The following SGCZ variants were observed in gnomAD, a reference collection of about 807,000 sequenced individuals.
The protein encoded by SGCZ is zeta-sarcoglycan.
SGCZ carries 40 observed loss-of-function variants against 41.3 expected under a neutral mutation model. The ratio of observed to expected loss-of-function variants is 0.97; its 90% CI spans 0.75 to 1.26. The LOEUF is 1.26. SGCZ is among the 50% of genes most tolerant of loss of function. SGCZ has a pLI of 0.00. For synonymous variants in SGCZ, 206 were observed against 137.5 expected, an observed-to-expected ratio of 1.50 and a Z score of -3.49; for missense variants, 552 against 369.8, an observed-to-expected ratio of 1.49 and a Z score of -4.04.
chr8:14,478,620 G>T (rs1271070170), intron 2 of SGCZ, among the ~76,000 whole-genome samples: 3 of 152,072 alleles, frequency 2.0e-5, no homozygotes, highest in African/African-American at 7.2e-5. Flanking sequence ...ATTGTGTTCA[G>T]ATTTTTTAAA....
intron 7 of SGCZ, among the ~76,000 whole-genome samples, chr8:14,098,362 C>T (rs1801908671): frequency 6.6e-6 from 1 of 152,106 alleles, no homozygotes; most frequent in South Asian, 2.1e-4. Context: ...CAAACAACAA[C>T]AAAAACCCAA....
chr8:14,530,223 A>T (rs11786628), intron 2 of SGCZ, among the ~76,000 whole-genome samples: 29,073 of 151,454 alleles, frequency 0.19, 3,329 homozygotes, highest in Non-Finnish European at 0.25. Flanking sequence ...AATTTTTTTT[A>T]AAAAAAATAT....
At chr8:14,463,692 T>C (rs1800967870) in intron 2 of SGCZ, among the ~76,000 whole-genome samples, 1 of 151,726 alleles carries the variant, frequency 6.6e-6, no homozygotes, top group African/African-American at 2.4e-5. Flanking sequence ...CACTATCAGG[T>C]CTTGTTCTTG....
intron 2 of SGCZ, among the ~76,000 whole-genome samples, chr8:14,435,954 C>CA (rs1800078193): frequency 6.6e-6 from 1 of 152,094 alleles, no homozygotes; most frequent in Non-Finnish European, 1.5e-5. Context: ...AGGAAAATTG[C>CA]CAAAAGTGTT....
At chr8:14,960,321 A>G (rs1412074238) in intron 1 of SGCZ, among the ~76,000 whole-genome samples, 1 of 152,082 alleles carries the variant, frequency 6.6e-6, no homozygotes, top group Non-Finnish European at 1.5e-5. Flanking sequence ...TGATAGCCAC[A>G]GGTTGAGACA....
chr8:14,293,090 G>A (rs1254292481), intron 3 of SGCZ, among the ~76,000 whole-genome samples: 1 of 151,968 alleles, frequency 6.6e-6, no homozygotes, highest in African/African-American at 2.4e-5. Context: ...TTTCAAAAGT[G>A]ATCTAAAAAG....
At chr8:14,861,460 T>C (rs1248841652) in intron 1 of SGCZ, among the ~76,000 whole-genome samples, 1 of 152,116 alleles carries the variant, frequency 6.6e-6, no homozygotes, top group Non-Finnish European at 1.5e-5. Flanking sequence ...AAAATATACA[T>C]TGTATATTTC....
intron 3 of SGCZ, among the ~76,000 whole-genome samples, chr8:14,298,144 A>T (rs546444266): frequency 4.3e-4 from 65 of 151,992 alleles, no homozygotes; most frequent in Non-Finnish European, 5.3e-4. Context: ...AGATAATTTG[A>T]CAAAATTTAA....
chr8:14,351,104 C>T (rs1213553407), intron 2 of SGCZ, among the ~76,000 whole-genome samples: 3 of 152,038 alleles, frequency 2.0e-5, no homozygotes. Flanking sequence ...TTTCCTCTTC[C>T]TAATTTTCAT....
At chr8:14,557,717 TA>T in intron 1 of SGCZ, among the ~76,000 whole-genome samples, 1 of 151,756 alleles carries the variant, frequency 6.6e-6, no homozygotes, top group Non-Finnish European at 1.5e-5. Flanking sequence ...TTTGCTTTGT[TA>T]AACACAAATA....
chr8:14,846,196 T>C (rs927945686), intron 1 of SGCZ, among the ~76,000 whole-genome samples: 5 of 152,156 alleles, frequency 3.3e-5, no homozygotes, highest in African/African-American at 1.2e-4. Flanking sequence ...TAATTTATGT[T>C]TATGGAATGC....
chr8:14,401,409 G>T (rs1011758892), intron 2 of SGCZ, among the ~76,000 whole-genome samples: 1 of 147,798 alleles, frequency 6.8e-6, no homozygotes, highest in Non-Finnish European at 1.5e-5. Flanking sequence ...CTAGCATTAG[G>T]TATATCTCCT....
At chr8:14,650,381 C>A (rs1296725957) in intron 1 of SGCZ, among the ~76,000 whole-genome samples, 1 of 152,000 alleles carries the variant, frequency 6.6e-6, no homozygotes, top group African/African-American at 2.4e-5. Context: ...TTCAGGGTTA[C>A]ATGTGCAGGT....
At chr8:14,185,825 G>C (rs932846353) in intron 4 of SGCZ, among the ~76,000 whole-genome samples, 2 of 152,136 alleles carry the variant, frequency 1.3e-5, no homozygotes, top group Non-Finnish European at 2.9e-5. Flanking sequence ...AAATGAAATT[G>C]AGCAGACCCC....
At chr8:14,623,261 G>C (rs1329856264) in intron 1 of SGCZ, among the ~76,000 whole-genome samples, 1 of 152,138 alleles carries the variant, frequency 6.6e-6, no homozygotes, top group African/African-American at 2.4e-5. Flanking sequence ...AACAAATTAA[G>C]TAGCAGGAAA....
At chr8:14,426,214 C>T (rs192185813) in intron 2 of SGCZ, among the ~76,000 whole-genome samples, 2 of 151,962 alleles carry the variant, frequency 1.3e-5, no homozygotes, top group Non-Finnish European at 2.9e-5. Flanking sequence ...TGGAGACATA[C>T]TATACAAGTC....
intron 3 of SGCZ, among the ~76,000 whole-genome samples, chr8:14,290,211 G>T (rs542791986): frequency 6.6e-6 from 1 of 151,980 alleles, no homozygotes; most frequent in Non-Finnish European, 1.5e-5. Flanking sequence ...AGCCTTAAAC[G>T]TAAGACTCAA....
At chr8:15,076,814 T>C (rs1805551060) in intron 1 of SGCZ, among the ~76,000 whole-genome samples, 1 of 150,238 alleles carries the variant, frequency 6.7e-6, no homozygotes, top group Non-Finnish European at 1.5e-5. Context: ...CAGCATTCCC[T>C]TTTTCGTTAC....
At chr8:14,691,470 T>G (rs897643396) in intron 1 of SGCZ, among the ~76,000 whole-genome samples, 1 of 152,072 alleles carries the variant, frequency 6.6e-6, no homozygotes, top group East Asian at 1.9e-4. Context: ...AAGGGTTACT[T>G]AATTATGTCG....
Sources: allele counts gnomAD v4.1 joint callset (sites outside exome capture counted in the v4.1 genomes callset), GRCh38; gene constraint gnomAD v4.1.1; transcripts MANE v1.5; gene names NCBI Gene and HGNC (gene_info 2026-07-23, HGNC 2026-07-21).